Variants in RBFOX1 observed in about 807,000 individuals in gnomAD.
RBFOX1 encodes the protein RNA binding fox-1 homolog 1.
Under a neutral mutation model 57.7 loss-of-function variants are expected in RBFOX1, and 8 were observed. That is an observed-to-expected ratio of 0.14 (90% CI 0.08 to 0.25). The LOEUF is 0.25. Ranked by LOEUF, RBFOX1 falls within the 10% of genes least tolerant of loss-of-function variation. The pLI is 1.00. For missense variants in RBFOX1, 611 were observed against 548.5 expected (o/e 1.11, Z -1.14); for synonymous variants, 326 against 222.4 (o/e 1.47, Z -4.15).
chr16:7,643,118 G>T (rs950985640), intron 11 of RBFOX1, among the ~76,000 whole-genome samples: 1 of 152,160 alleles, frequency 6.6e-6, no homozygotes, highest in Non-Finnish European at 1.5e-5. Flanking sequence ...GGAACAGCAC[G>T]CCAATTAGTT....
At chr16:6,483,515 C>A in intron 2 of RBFOX1, 1 of 1,535,598 alleles carries the variant, frequency 6.5e-7, no homozygotes, top group South Asian at 1.2e-5. Flanking sequence ...ATCTTGGCAG[C>A]TAATTGCAGT....
chr16:6,677,727 T>C (rs1261188125), intron 3 of RBFOX1, among the ~76,000 whole-genome samples: 2 of 152,208 alleles, frequency 1.3e-5, no homozygotes, highest in East Asian at 1.9e-4. Context: ...TCCTCTTTTG[T>C]AACTTTAAAG....
At chr16:6,791,234 C>T (rs1277924904) in intron 3 of RBFOX1, among the ~76,000 whole-genome samples, 1 of 152,118 alleles carries the variant, frequency 6.6e-6, no homozygotes, top group African/African-American at 2.4e-5. Flanking sequence ...ATAGAGTTGG[C>T]AGAAGATGCT....
intron 3 of RBFOX1, among the ~76,000 whole-genome samples, chr16:6,941,306 CCT>C (rs1567990760): frequency 8.4e-4 from 35 of 41,716 alleles, no homozygotes; most frequent in African/African-American, 1.7e-3. Flanking sequence ...CTCCCTCCTT[CCT>C]TCCTTCCTTC....
intron 1 of RBFOX1, among the ~76,000 whole-genome samples, chr16:6,147,345 G>C (rs774462715): frequency 6.6e-6 from 1 of 152,078 alleles, no homozygotes; most frequent in Non-Finnish European, 1.5e-5. Context: ...GTGATCCCAA[G>C]CTATGACCTA....
intron 3 of RBFOX1, among the ~76,000 whole-genome samples, chr16:6,910,424 C>G (rs1596946742): frequency 3.9e-5 from 6 of 152,308 alleles, no homozygotes; most frequent in Admixed American, 3.9e-4. Context: ...AATTCTGTCC[C>G]CAGGTTCAAT....
At chr16:5,782,998 A>G (rs538837037) in intron 3 of RBFOX1, among the ~76,000 whole-genome samples, 1 of 152,312 alleles carries the variant, frequency 6.6e-6, no homozygotes, top group Middle Eastern at 3.4e-3. Flanking sequence ...GAGTCCACTG[A>G]TTTAAATACT....
At chr16:6,192,535 C>G (rs954311725) in intron 1 of RBFOX1, among the ~76,000 whole-genome samples, 2 of 152,094 alleles carry the variant, frequency 1.3e-5, no homozygotes. Flanking sequence ...TTACCTATCT[C>G]TTAACTGACA....
chr16:7,686,572 A>T (rs2076113824), intron 14 of RBFOX1, among the ~76,000 whole-genome samples: 1 of 152,122 alleles, frequency 6.6e-6, no homozygotes, highest in African/African-American at 2.4e-5. Context: ...GTCTACACAG[A>T]CAAAAAAAGA....
chr16:5,633,446 C>G (rs1471888252), intron 3 of RBFOX1, among the ~76,000 whole-genome samples: 1 of 152,186 alleles, frequency 6.6e-6, no homozygotes, highest in Non-Finnish European at 1.5e-5. Context: ...GCACTCATCA[C>G]TGGAGCAACG....
chr16:6,464,698 C>G (rs2153069764), intron 2 of RBFOX1, among the ~76,000 whole-genome samples: 1 of 152,372 alleles, frequency 6.6e-6, no homozygotes, highest in South Asian at 2.1e-4. Context: ...GTCAGGTCAC[C>G]TCTCTTGTGC....
intron 3 of RBFOX1, among the ~76,000 whole-genome samples, chr16:6,936,379 CAAAT>C (rs1467744307): frequency 6.6e-6 from 1 of 152,014 alleles, no homozygotes; most frequent in African/African-American, 2.4e-5. Flanking sequence ...CAAACAGAAA[CAAAT>C]AAAAACTTCT....
intron 3 of RBFOX1, chr16:6,704,731 A>C (rs930439967): frequency 1.3e-5 from 2 of 152,188 alleles, no homozygotes; most frequent in Non-Finnish European, 2.9e-5. Context: ...AAATACATGG[A>C]GGGATAAATC....
chr16:7,344,207 G>A lies in RBFOX1; in HGVS notation c.28-173940G>A, dbSNP rs181496074. Among the ~76,000 whole-genome samples, 39 of 138,374 alleles carry A rather than the reference G, an allele frequency of 2.8e-4. 1 individual carries two copies. The East Asian group carries it at 7.5e-3, about 27-fold the overall frequency. 90.8% of individuals were successfully genotyped at this position (138,374 alleles called of 152,430 possible). On this transcript the variant is annotated intron_variant, in intron 4 of 15. Transcript: ENST00000550418. ...AAAGTGCCTAAATTCAAGCTTCGCTGTACTCTTCTGTAGGACAGGGATAAT... is the reference window on the plus strand; with the variant it reads ...AAAGTGCCTAAATTCAAGCTTCGCTATACTCTTCTGTAGGACAGGGATAAT...
intron 2 of RBFOX1, among the ~76,000 whole-genome samples, chr16:6,364,666 ATG>A (rs2152877134): frequency 6.6e-6 from 1 of 152,234 alleles, no homozygotes; most frequent in East Asian, 1.9e-4. Flanking sequence ...TTCAAATGTG[ATG>A]TGTTTTATCT....
At position 5,461,094 on chromosome 16, in the gene RBFOX1, G is replaced by C. The variant is rs115812496; in HGVS notation, c.220-6122G>C. On this transcript the variant is annotated intron_variant, in intron 1 of 2. Coordinates refer to the RBFOX1 transcript ENST00000585867. ...GGGGCTCCTGCAGTTTTGCATTCTT[G>C]GTGTGCCTTCTATGAGATTGCAGAC... 7.3e-3 allele frequency among the ~76,000 whole-genome samples: 1,105 copies of C among 152,286 alleles called. 14 individuals carry two copies. Among genetic ancestry groups the C allele is most frequent in the African/African-American group, 0.026 (1,068 of 41,566 alleles).
intron 2 of RBFOX1, among the ~76,000 whole-genome samples, chr16:6,493,653 A>G (rs919826860): frequency 3.3e-5 from 5 of 152,262 alleles, no homozygotes; most frequent in East Asian, 3.9e-4. Context: ...TAGCCTTTCA[A>G]TTTGCTGTAA....
intron 4 of RBFOX1, among the ~76,000 whole-genome samples, chr16:7,311,719 C>T (rs1426580956): frequency 6.6e-6 from 1 of 152,100 alleles, no homozygotes; most frequent in Non-Finnish European, 1.5e-5. Context: ...GCCAGCTGTC[C>T]ATCTCAAGTG....
intron 1 of RBFOX1, among the ~76,000 whole-genome samples, chr16:6,242,365 G>T (rs1052055756): frequency 1.3e-5 from 2 of 151,706 alleles, no homozygotes; most frequent in African/African-American, 4.8e-5. Context: ...TCTGCTCAAG[G>T]TTTTCTTTTT....
Sources: allele counts gnomAD v4.1 joint callset (sites outside exome capture counted in the v4.1 genomes callset), GRCh38; gene constraint gnomAD v4.1.1; transcripts MANE v1.5; gene names NCBI Gene and HGNC (gene_info 2026-07-23, HGNC 2026-07-21).